The following RBFOX3 variants were observed in gnomAD, a reference collection of about 807,000 sequenced individuals.
RBFOX3 encodes RNA binding protein fox-1 homolog 3.
A neutral mutation model predicts 48.7 loss-of-function variants in RBFOX3; 17 were observed. The ratio of observed to expected loss-of-function variants is 0.35; its 90% CI spans 0.24 to 0.52. The LOEUF (loss-of-function observed/expected upper bound fraction) is 0.52, where lower values mean the gene tolerates loss of function less well. RBFOX3 is among the 20% of genes least tolerant of loss of function. The pLI is 0.94. For synonymous variants in RBFOX3, 212 were observed against 209.5 expected (o/e 1.01, Z -0.10); for missense variants, 382 against 497.5 (o/e 0.77, Z 2.21).
At chr17:79,515,682 C>A (rs2085145786) in intron 1 of RBFOX3, among the ~76,000 whole-genome samples, 1 of 152,144 alleles carries the variant, frequency 6.6e-6, no homozygotes, top group African/African-American at 2.4e-5. Context: ...AAGTACCCAC[C>A]CTCCTCAAGG....
At chr17:79,434,449 C>T (rs1356489761) in intron 2 of RBFOX3, among the ~76,000 whole-genome samples, 1 of 152,234 alleles carries the variant, frequency 6.6e-6, no homozygotes, top group Non-Finnish European at 1.5e-5. Flanking sequence ...ATGCCCCCAA[C>T]TTCCAAGGAG....
intron 4 of RBFOX3, among the ~76,000 whole-genome samples, chr17:79,167,838 G>A (rs2048337281): frequency 6.6e-6 from 1 of 152,216 alleles, no homozygotes; most frequent in African/African-American, 2.4e-5. Context: ...GCCTCTCTGG[G>A]ATGCTAGGTC....
intron 1 of RBFOX3, among the ~76,000 whole-genome samples, chr17:79,586,614 A>G (rs1008980268): frequency 6.7e-4 from 102 of 152,330 alleles, no homozygotes; most frequent in Non-Finnish European, 1.3e-3. Flanking sequence ...GGCTAAATCC[A>G]TTCTGGTAGG....
chr17:79,568,935 G>C (rs1222284301), intron 1 of RBFOX3, among the ~76,000 whole-genome samples: 1 of 151,962 alleles, frequency 6.6e-6, no homozygotes, highest in Non-Finnish European at 1.5e-5. Flanking sequence ...TGTGCTGAGG[G>C]GTGATGGGGG....
chr17:79,320,555 C>T lies in RBFOX3; in HGVS notation c.-174-12731G>A, dbSNP rs538248842. 5.9e-5 allele frequency among the ~76,000 whole-genome samples: 9 copies of T among 152,344 alleles called. No homozygotes were observed. In the South Asian group the frequency reaches 1.7e-3, roughly 28 times the overall value. The stretch of plus-strand genomic sequence containing the variant: ...CGTATACCTGCCCTCCCTTGGCAAA[C>T]CCTGCCCATATCTAACCAGCTCTAC... On this transcript the variant is annotated intron_variant, in intron 2 of 14. Transcript: ENST00000693108.
rs896137565 is a variant in RBFOX3 at position 79,610,874 on chromosome 17, C to T, written c.-368G>A. Among the ~76,000 whole-genome samples the T allele has an allele frequency of 5.9e-5, 9 of 151,758 alleles. No homozygotes were observed. The highest frequency in any genetic ancestry group is 2.6e-4 in the Admixed American group (4 of 15,256). On this transcript the variant is annotated 5_prime_UTR_variant, in exon 1 of 15. Transcript: ENST00000693108. ...GTGACTGGGGGCCGGCGGCCATGCC[C>T]CGGCTGCATCCCGGCCGCCGAGCGG... is the stretch of plus-strand genomic sequence containing the variant.
At position 79,540,644 on chromosome 17, in the gene RBFOX3, G is replaced by A. The variant is rs182191014; in HGVS notation, c.-319-58046C>T. 3.9e-5 allele frequency among the ~76,000 whole-genome samples: 6 copies of A among 152,328 alleles called. No individual in the cohort carries two copies. In the South Asian group the frequency reaches 6.2e-4, roughly 16 times the overall value. ...GCAGACTCCATGTCATTCACATACC[G>A]CCGTGGTGCACAGACGTGGGCTGAG... On this transcript the variant is annotated intron_variant, in intron 1 of 14. Transcript: ENST00000693108.
intron 4 of RBFOX3, among the ~76,000 whole-genome samples, chr17:79,210,308 G>T (rs1043562073): frequency 6.6e-6 from 1 of 152,196 alleles, no homozygotes; most frequent in Non-Finnish European, 1.5e-5. Context: ...TAATGCCACC[G>T]TCTTCATTTC....
At chr17:79,131,082 G>A (rs944881963) in intron 4 of RBFOX3, among the ~76,000 whole-genome samples, 8 of 149,138 alleles carry the variant, frequency 5.4e-5, no homozygotes, top group African/African-American at 1.3e-4. Context: ...TGCGTGTCCC[G>A]TGTGTGCTGT....
chr17:79,649,622 C>G, the RBFOX3 span, among the ~76,000 whole-genome samples: 2 of 152,222 alleles, frequency 1.3e-5, no homozygotes, highest in Admixed American at 1.3e-4. Context: ...AGGAGAATCA[C>G]TTGAACCTGG....
At chr17:79,107,564 C>T (rs1364687226) in intron 5 of RBFOX3, among the ~76,000 whole-genome samples, 1 of 152,170 alleles carries the variant, frequency 6.6e-6, no homozygotes, top group Non-Finnish European at 1.5e-5. Flanking sequence ...GTGGACTGGC[C>T]GTGAGCTCAC....
intron 2 of RBFOX3, among the ~76,000 whole-genome samples, chr17:79,475,623 T>C (rs1438250643): frequency 6.6e-6 from 1 of 152,104 alleles, no homozygotes; most frequent in East Asian, 1.9e-4. Context: ...CTGGTGTCCT[T>C]AGAAGAGGAG....
intron 1 of RBFOX3, among the ~76,000 whole-genome samples, chr17:79,546,760 C>G (rs190370982): frequency 9.9e-5 from 15 of 151,374 alleles, no homozygotes; most frequent in African/African-American, 3.2e-4. Context: ...ACCTCCGACT[C>G]CCAGGTTGAA....
chr17:79,577,850 A>C (rs1448016989), intron 1 of RBFOX3, among the ~76,000 whole-genome samples: 3 of 152,196 alleles, frequency 2.0e-5, no homozygotes, highest in African/African-American at 7.2e-5. Context: ...AGCATTGAGC[A>C]CCCTTTGTGA....
chr17:79,587,740 C>G (rs1293960425), intron 1 of RBFOX3, among the ~76,000 whole-genome samples: 1 of 152,136 alleles, frequency 6.6e-6, no homozygotes, highest in Admixed American at 6.5e-5. Context: ...GGACCTTGAT[C>G]GAGGTCCCAC....
intron 2 of RBFOX3, among the ~76,000 whole-genome samples, chr17:79,381,056 T>C (rs1374802812): frequency 6.6e-6 from 1 of 152,046 alleles, no homozygotes; most frequent in Non-Finnish European, 1.5e-5. Flanking sequence ...GGTCAGGAGA[T>C]CAAGACCATC....
chr17:79,416,507 C>T (rs1394050019), intron 2 of RBFOX3, among the ~76,000 whole-genome samples: 1 of 152,262 alleles, frequency 6.6e-6, no homozygotes. Context: ...AAGACAGCGA[C>T]GTGGCCCAGC....
intron 1 of RBFOX3, among the ~76,000 whole-genome samples, chr17:79,522,128 C>A (rs1399986946): frequency 6.6e-6 from 1 of 152,240 alleles, no homozygotes; most frequent in Non-Finnish European, 1.5e-5. Context: ...GCCTCTAATG[C>A]TGAAAAACTG....
chr17:79,119,580 TG>T (rs1213938918), intron 4 of RBFOX3, among the ~76,000 whole-genome samples: 1 of 152,178 alleles, frequency 6.6e-6, no homozygotes, highest in Non-Finnish European at 1.5e-5. Context: ...TGCACGGGGA[TG>T]GGCTCCAATG....
Sources: allele counts gnomAD v4.1 joint callset (sites outside exome capture counted in the v4.1 genomes callset), GRCh38; gene constraint gnomAD v4.1.1; transcripts MANE v1.5; gene names NCBI Gene and HGNC (gene_info 2026-07-23, HGNC 2026-07-21).